ERBB2: variants seen among roughly 807,000 people sequenced by gnomAD.
ERBB2 encodes receptor tyrosine-protein kinase erbB-2.
A neutral mutation model predicts 149.0 loss-of-function variants in ERBB2; 61 were observed. The observed-to-expected ratio is 0.41, with a 90% CI of 0.33 to 0.51. The LOEUF (loss-of-function observed/expected upper bound fraction) is 0.51, where lower values mean the gene tolerates loss of function less well. Among genes scored for constraint, ERBB2 ranks in the 20% least tolerant of loss-of-function variants. ERBB2 has a pLI of 0.25. For synonymous variants in ERBB2, 633 were observed against 678.8 expected (o/e 0.93, Z 1.05); for missense variants, 1,205 against 1,655.1 (o/e 0.73, Z 4.72).
chr17:39,725,890 G>A lies in ERBB2; in HGVS notation c.2872+37G>A. On this transcript the variant is annotated intron_variant, in intron 23 of 26. Transcript: ENST00000269571. The surrounding 1 kb of genome is among the most constrained non-coding windows in gnomAD (Gnocchi z 4.6). ...AGCTGTGCTGGCTGCCTGGAGGAGG[G>A]TGGGAGGTCCTGGGTGGAGGAGCCC... 4 of 1,610,736 alleles carry A rather than the reference G, an allele frequency of 2.5e-6. No individual in the cohort carries two copies. Among genetic ancestry groups the A allele is most frequent in the Non-Finnish European group, 3.4e-6 (4 of 1,178,806 alleles).
chr17:39,714,313 T>C (rs1040961961), intron 9 of ERBB2, among the ~76,000 whole-genome samples: 1 of 152,130 alleles, frequency 6.6e-6, no homozygotes, highest in Non-Finnish European at 1.5e-5. Context: ...CCTTGTTCTT[T>C]CAATAGCTGC....
In ERBB2 at chr17:39,700,131, C is replaced by A; in HGVS notation, c.-108C>A. On this transcript the variant is annotated 5_prime_UTR_variant, in exon 1 of 27. Transcript: ENST00000269571. ...AGCCGCGCGCCCCTTCCCACGGGGCCCTTTACTGCGCCGCGCGCCCGGCCC... is the reference window on the plus strand; with the variant it reads ...AGCCGCGCGCCCCTTCCCACGGGGCACTTTACTGCGCCGCGCGCCCGGCCC... The A allele has an allele frequency of 7.6e-7, 1 of 1,309,954 alleles. No individual in the cohort carries two copies. Among genetic ancestry groups the A allele is most frequent in the Non-Finnish European group, 9.7e-7 (1 of 1,035,560 alleles). 81.1% of individuals were successfully genotyped at this position (1,309,954 alleles called of 1,614,324 possible).
Position 39,727,275 on chromosome 17 carries a change from ACTTT to A in ERBB2, c.3160-12_3160-9del, listed in dbSNP as rs2059825844. 3 of 1,610,464 alleles carry A rather than the reference ACTTT, an allele frequency of 1.9e-6. No homozygotes were observed. Among genetic ancestry groups the A allele is most frequent in the Non-Finnish European group, 1.7e-6 (2 of 1,179,240 alleles). ...AGATCCGTGAGTGACCCCCATCATG[ACTTT>A]CTTTCTTGTCCCCAGAGTGGCGGTG... is the stretch of plus-strand genomic sequence containing the variant. On this transcript the variant is annotated splice_polypyrimidine_tract_variant and intron_variant, in intron 25 of 26. Transcript: ENST00000269571. The surrounding 1 kb of genome is among the most constrained non-coding windows in gnomAD (Gnocchi z 4.3).
In ERBB2 at chr17:39,723,376, G is replaced by C. The variant is rs199841166; in HGVS notation, c.2004G>C (p.Gly668=). ...VVGILLVVVL[G]VVFGILIKRR... Reference sequence around the variant, plus strand: ...GCATTCTGCTGGTCGTGGTCTTGGGGGTGGTCTTTGGGATCCTCATCAAGC... The same window carrying C: ...GCATTCTGCTGGTCGTGGTCTTGGGCGTGGTCTTTGGGATCCTCATCAAGC... The change falls in exon 17 of 27, where the codon GGG becomes GGC. Residue 668 remains glycine (G), a synonymous_variant. Transcript: ENST00000269571. This position sits in a 1 kb window ranked among gnomAD's most constrained non-coding sequence, Gnocchi z 6.2. The C allele has an allele frequency of 2.2e-5, 35 of 1,614,146 alleles. No individual in the cohort carries two copies. The highest frequency in any genetic ancestry group is 2.2e-4 in the Admixed American group (13 of 60,018).
upstream of ERBB2, among the ~76,000 whole-genome samples, chr17:39,692,948 G>A (rs769075591): frequency 1.1e-4 from 16 of 152,114 alleles, no homozygotes; most frequent in Non-Finnish European, 2.1e-4. Flanking sequence ...TGTAATCCCA[G>A]CTGGTTGGGA....
chr17:39,726,933 T>G lies in ERBB2; in HGVS notation c.3089T>G (p.Phe1030Cys), dbSNP rs762553217. 20 of 1,613,622 alleles carry G rather than the reference T, an allele frequency of 1.2e-5. No individual in the cohort carries two copies. Among genetic ancestry groups the G allele is most frequent in the African/African-American group, 4.0e-5 (3 of 74,872 alleles). The change falls in exon 25 of 27, where the codon TTC becomes TGC. Residue 1030 changes from phenylalanine (F) to cysteine (C), a missense_variant. Around this residue, in one of 6 missense-constraint regions of ERBB2, gnomAD observed 312 missense variants for 343.8 expected, o/e 0.91. Transcript: ENST00000269571. The surrounding 1 kb of genome is among the most constrained non-coding windows in gnomAD (Gnocchi z 5.1). ...GAGTATCTGGTACCCCAGCAGGGCT[T>G]CTTCTGTCCAGACCCTGCCCCGGGC... is the stretch of plus-strand genomic sequence containing the variant. ...AEEYLVPQQG[F>C]FCPDPAPGAG...
At position 39,727,289 on chromosome 17, in the gene ERBB2, C is replaced by A. The variant is rs1297302581; in HGVS notation, c.3160-6C>A. The stretch of plus-strand genomic sequence containing the variant: ...CCCCCATCATGACTTTCTTTCTTGT[C>A]CCCAGAGTGGCGGTGGGGACCTGAC... On this transcript the variant is annotated splice_region_variant and splice_polypyrimidine_tract_variant and intron_variant, in intron 25 of 26. Transcript: ENST00000269571. This position sits in a 1 kb window ranked among gnomAD's most constrained non-coding sequence, Gnocchi z 4.3. 3 of 1,612,362 alleles carry A rather than the reference C, an allele frequency of 1.9e-6. No individual in the cohort carries two copies. The highest frequency in any genetic ancestry group is 3.4e-5 in the Admixed American group (2 of 59,448).
chr17:39,727,840 G>C lies in ERBB2; in HGVS notation c.3564G>C (p.Gly1188=), dbSNP rs2143302641. The change falls in exon 27 of 27, where the codon GGG becomes GGC. Residue 1188 remains glycine (G), a synonymous_variant. Transcript: ENST00000269571. This position sits in a 1 kb window ranked among gnomAD's most constrained non-coding sequence, Gnocchi z 4.3. ...NGVVKDVFAF[G]GAVENPEYLT... ...TCGTCAAAGACGTTTTTGCCTTTGGGGGTGCCGTGGAGAACCCCGAGTACT... is the reference window on the plus strand; with the variant it reads ...TCGTCAAAGACGTTTTTGCCTTTGGCGGTGCCGTGGAGAACCCCGAGTACT... 1 of 1,613,962 alleles carries C rather than the reference G, an allele frequency of 6.2e-7. No homozygotes were observed.
At chr17:39,691,736 G>T (rs1242420211), upstream of ERBB2, among the ~76,000 whole-genome samples, 1 of 148,660 alleles carries the variant, frequency 6.7e-6, no homozygotes, top group African/African-American at 2.5e-5. Context: ...GAAGAAAAAG[G>T]AAACAACTAA....
rs2143202230 is a variant in ERBB2, at chr17:39,727,069, C to A, written c.3159+66C>A. The A allele has an allele frequency of 4.2e-6, 6 of 1,426,132 alleles. No individual in the cohort carries two copies. Among genetic ancestry groups the A allele is most frequent in the Non-Finnish European group, 5.7e-6 (6 of 1,056,082 alleles). 88.3% of individuals were successfully genotyped at this position (1,426,132 alleles called of 1,614,324 possible). On this transcript the variant is annotated intron_variant, in intron 25 of 26. Transcript: ENST00000269571. This position sits in a 1 kb window ranked among gnomAD's most constrained non-coding sequence, Gnocchi z 4.3. ...TCCCCCAACCCCGGTGGACTAGGGT[C>A]CCTTTCTCTGATGTTCCCTCAACTG...
upstream of ERBB2, among the ~76,000 whole-genome samples, chr17:39,697,810 C>T (rs1465382293): frequency 1.3e-5 from 2 of 152,052 alleles, no homozygotes; most frequent in African/African-American, 4.8e-5. Flanking sequence ...TCTCCTGCCT[C>T]AGCCTCCCGA....
intron 15 of ERBB2, 69 bp downstream of exon 15, chr17:39,717,549 A>C (rs2059206173): frequency 7.6e-7 from 1 of 1,317,970 alleles, no homozygotes; most frequent in South Asian, 1.5e-5. Flanking sequence ...GGCTCTTACT[A>C]TAAAAGGGGA....
chr17:39,724,627 G>C (rs778935334), intron 19 of ERBB2, 99 bp from the exon 20 acceptor site: 10 of 1,081,420 alleles, frequency 9.2e-6, no homozygotes, highest in Admixed American at 3.8e-5. Context: ...AGCCTTCACA[G>C]GCTGTGGGCC....
rs766276087 is a variant in ERBB2 at position 39,726,958 on chromosome 17, C to G, written c.3114C>G (p.Gly1038=). ...TCTTCTGTCCAGACCCTGCCCCGGGCGCTGGGGGCATGGTCCACCACAGGC... is the reference window on the plus strand; with the variant it reads ...TCTTCTGTCCAGACCCTGCCCCGGGGGCTGGGGGCATGGTCCACCACAGGC... ...QGFFCPDPAP[G]AGGMVHHRHR... Residue 1038 remains glycine, a synonymous_variant, in exon 25 of 27, where the codon GGC becomes GGG. Coordinates refer to ENST00000269571, the MANE Select transcript of ERBB2 (RefSeq NM_004448.4). The surrounding 1 kb of genome is among the most constrained non-coding windows in gnomAD (Gnocchi z 5.1). The G allele has an allele frequency of 6.2e-7, 1 of 1,611,518 alleles. No individual in the cohort carries two copies. The highest frequency in any genetic ancestry group is 8.5e-7 in the Non-Finnish European group (1 of 1,179,090).
chr17:39,719,107 AAAAATT>A lies in ERBB2; in HGVS notation c.1899-678_1899-673del, dbSNP rs562309475. Among the ~76,000 whole-genome samples the A allele has an allele frequency of 3.5e-3, 535 of 152,220 alleles. 2 individuals carry two copies. The highest frequency in any genetic ancestry group is 0.01 in the Middle Eastern group (3 of 294). On this transcript the variant is annotated intron_variant, in intron 15 of 26. Coordinates refer to ENST00000269571, the MANE Select transcript of ERBB2 (RefSeq NM_004448.4). Reference sequence around the variant, plus strand: ...AAAACCCCGTCTCTACTAAAAATACAAAAATTAGCCAGGCGTGGTGGTGGGCGCCTG... The same window carrying A: ...AAAACCCCGTCTCTACTAAAAATACAAGCCAGGCGTGGTGGTGGGCGCCTG...
At chr17:39,702,752 A>G (rs998623959) in intron 1 of ERBB2, among the ~76,000 whole-genome samples, 2 of 152,214 alleles carry the variant, frequency 1.3e-5, no homozygotes, top group Non-Finnish European at 2.9e-5. Context: ...CCTATATGCT[A>G]GGTTTTTATC....
At chr17:39,716,219 A>G in intron 12 of ERBB2, 82 bp from the exon 13 acceptor site, 8 of 1,454,240 alleles carry the variant, frequency 5.5e-6, no homozygotes, top group Non-Finnish European at 7.3e-6. Flanking sequence ...GCCCACAGCC[A>G]TGCCCACAGC....
upstream of ERBB2, among the ~76,000 whole-genome samples, chr17:39,697,341 GTTTTT>G (rs1313244019): frequency 7.3e-6 from 1 of 137,808 alleles, no homozygotes; most frequent in African/African-American, 2.9e-5. Context: ...TGCTAGGGTT[GTTTTT>G]TTGTTTTGTT....
At chr17:39,711,411 C>T (rs867519271) in intron 7 of ERBB2, among the ~76,000 whole-genome samples, 1 of 152,184 alleles carries the variant, frequency 6.6e-6, no homozygotes, top group Non-Finnish European at 1.5e-5. Context: ...AAGCTGGTCT[C>T]GAACTCCTGA....
Sources: gnomAD v4.1 joint callset for allele counts (sites outside exome capture counted in the v4.1 genomes callset) on GRCh38, gnomAD v4.1.1 for gene constraint, gnomAD v4.1.1 regional missense constraint, Gnocchi (gnomAD v3.1) non-coding constraint, MANE v1.5 for transcripts, NCBI Gene and HGNC (gene_info 2026-07-23, HGNC 2026-07-21) for gene names.